IMMP2L: variants seen among roughly 807,000 people sequenced by gnomAD.
The protein encoded by IMMP2L is inner mitochondrial membrane peptidase subunit 2.
IMMP2L carries 18 observed loss-of-function variants against 19.3 expected under a neutral mutation model. The observed-to-expected ratio is 0.93, with a 90% CI of 0.64 to 1.38. The LOEUF is 1.38. Among genes scored for constraint, IMMP2L ranks in the 40% most tolerant of loss-of-function variants. The pLI, the probability that IMMP2L is intolerant of heterozygous loss-of-function variation, is 0.00. For synonymous variants in IMMP2L, 76 were observed against 73.0 expected (o/e 1.04, Z -0.21); for missense variants, 233 against 218.2 (o/e 1.07, Z -0.43).
At chr7:111,133,984 G>A (rs911126781) in intron 3 of IMMP2L, among the ~76,000 whole-genome samples, 1 of 151,932 alleles carries the variant, frequency 6.6e-6, no homozygotes, top group African/African-American at 2.4e-5. Context: ...GCTTTCTACT[G>A]TCTCCCCAAA....
intron 3 of IMMP2L, among the ~76,000 whole-genome samples, chr7:111,036,755 T>C (rs1013030801): frequency 6.6e-6 from 1 of 152,140 alleles, no homozygotes; most frequent in African/African-American, 2.4e-5. Flanking sequence ...AGTGTATTTT[T>C]ACAAACCAGA....
chr7:111,238,870 C>A (rs553124400), intron 3 of IMMP2L, among the ~76,000 whole-genome samples: 1 of 151,974 alleles, frequency 6.6e-6, no homozygotes, highest in African/African-American at 2.4e-5. Context: ...TTCATTATAT[C>A]CTCTGAACCC....
chr7:110,713,133 C>A (rs1478677786), intron 5 of IMMP2L, among the ~76,000 whole-genome samples: 2 of 151,570 alleles, frequency 1.3e-5, no homozygotes, highest in African/African-American at 4.8e-5. Flanking sequence ...ATATGTCTAG[C>A]CAGTTACCCC....
At chr7:111,387,625 T>G (rs1205379948) in intron 3 of IMMP2L, among the ~76,000 whole-genome samples, 1 of 152,130 alleles carries the variant, frequency 6.6e-6, no homozygotes, top group African/African-American at 2.4e-5. Context: ...CATAACAGAA[T>G]CTTAAGCTAA....
chr7:111,360,801 G>C (rs914456649), intron 3 of IMMP2L, among the ~76,000 whole-genome samples: 1 of 152,102 alleles, frequency 6.6e-6, no homozygotes, highest in African/African-American at 2.4e-5. Flanking sequence ...CTGGGCGACA[G>C]AGCGATACCT....
chr7:111,023,059 T>G (rs541829839), intron 3 of IMMP2L, among the ~76,000 whole-genome samples: 1 of 152,186 alleles, frequency 6.6e-6, no homozygotes, highest in African/African-American at 2.4e-5. Context: ...AGTAAAACTG[T>G]TGACAGCATT....
In IMMP2L at chr7:110,697,744, T is replaced by C. The variant is rs867657904; in HGVS notation, c.409-34023A>G. Among the ~76,000 whole-genome samples, 5 of 152,128 alleles carry C rather than the reference T, an allele frequency of 3.3e-5. No individual in the cohort carries two copies. In the South Asian group the frequency reaches 8.3e-4, roughly 25 times the overall value. On this transcript the variant is annotated intron_variant, in intron 5 of 5. Transcript: ENST00000405709. Reference sequence around the variant, plus strand: ...AGAAGTTCAAGGCAGCAGTTAGCTGTGATCATGCCACTGCACCCCAGCCTT... The same window carrying C: ...AGAAGTTCAAGGCAGCAGTTAGCTGCGATCATGCCACTGCACCCCAGCCTT...
chr7:110,703,302 CCT>C (rs928868365), intron 5 of IMMP2L, among the ~76,000 whole-genome samples: 4 of 151,906 alleles, frequency 2.6e-5, no homozygotes, highest in Admixed American at 2.0e-4. Context: ...AACATATTAT[CCT>C]TTTTTTTAAT....
At chr7:111,265,513 T>A (rs1167668866) in intron 3 of IMMP2L, among the ~76,000 whole-genome samples, 1 of 152,110 alleles carries the variant, frequency 6.6e-6, no homozygotes, top group African/African-American at 2.4e-5. Context: ...AAGGATGGGG[T>A]GAGCAAGGAC....
chr7:111,492,502 TCC>T, intron 2 of IMMP2L: 2 of 377,284 alleles, frequency 5.3e-6, no homozygotes, highest in Non-Finnish European at 3.6e-6. Flanking sequence ...TGATGGGGAC[TCC>T]TCTGTAAAGC....
At chr7:110,952,184 A>C (rs1009424154) in intron 4 of IMMP2L, among the ~76,000 whole-genome samples, 16 of 152,176 alleles carry the variant, frequency 1.1e-4, no homozygotes, top group Non-Finnish European at 1.5e-5. Flanking sequence ...AAAGGAAGGT[A>C]CAAAAGTTAC....
chr7:111,508,713 C>T (rs888190209), intron 2 of IMMP2L, among the ~76,000 whole-genome samples: 1 of 151,904 alleles, frequency 6.6e-6, no homozygotes, highest in Admixed American at 6.6e-5. Flanking sequence ...AAGGTGGGCA[C>T]GACAGAGTAG....
chr7:111,363,850 T>C (rs917850213), intron 3 of IMMP2L, among the ~76,000 whole-genome samples: 1 of 152,110 alleles, frequency 6.6e-6, no homozygotes, highest in Non-Finnish European at 1.5e-5. Flanking sequence ...TTTAGCTCCC[T>C]GTACACACCA....
chr7:110,722,452 A>G (rs1353923913), intron 5 of IMMP2L, among the ~76,000 whole-genome samples: 1 of 152,118 alleles, frequency 6.6e-6, no homozygotes, highest in East Asian at 1.9e-4. Flanking sequence ...CAAAGTCAGG[A>G]TTCAAAACCC....
At chr7:110,793,966 A>G (rs748188892) in intron 5 of IMMP2L, among the ~76,000 whole-genome samples, 10 of 152,164 alleles carry the variant, frequency 6.6e-5, no homozygotes, top group African/African-American at 2.4e-4. Flanking sequence ...TTACCACTAC[A>G]TAACTATTGG....
rs34496107 is a variant in IMMP2L, at chr7:111,521,412, G to C, written c.36C>G (p.Ile12Met). 1.2e-6 allele frequency: 2 copies of C among 1,612,826 alleles called. No individual in the cohort carries two copies. The highest frequency in any genetic ancestry group is 1.7e-6 in the Non-Finnish European group (2 of 1,179,196). ...CAAAGAAGCCTTTACAAAAGGCCTT[G>C]ATGTATCTTTTCACCCACCCTTGTG... is the stretch of plus-strand genomic sequence containing the variant. ...AQSQGWVKRY[I>M]KAFCKGFFVA... Residue 12 changes from isoleucine (I) to methionine (M), a missense_variant, in exon 2 of 6, where the codon ATC becomes ATG. By Grantham distance (10) the Ile-to-Met change is conservative (BLOSUM62 1). Coordinates refer to ENST00000405709, the MANE Select transcript of IMMP2L (RefSeq NM_032549.4).
At chr7:110,908,563 C>T (rs1461031144) in intron 4 of IMMP2L, among the ~76,000 whole-genome samples, 1 of 152,174 alleles carries the variant, frequency 6.6e-6, no homozygotes, top group East Asian at 1.9e-4. Context: ...CCAAACCATG[C>T]AGCGTGAGAA....
intron 3 of IMMP2L, among the ~76,000 whole-genome samples, chr7:111,382,028 G>A (rs1831248009): frequency 6.6e-6 from 1 of 151,952 alleles, no homozygotes; most frequent in African/African-American, 2.4e-5. Context: ...GTCATGATCT[G>A]AAGTGTAACA....
chr7:111,282,731 G>A (rs761975883), intron 3 of IMMP2L, among the ~76,000 whole-genome samples: 8 of 152,192 alleles, frequency 5.3e-5, no homozygotes, highest in Non-Finnish European at 1.2e-4. Flanking sequence ...CCACAGGCGT[G>A]AGCCACAATG....
Sources: gnomAD v4.1 joint callset for allele counts (sites outside exome capture counted in the v4.1 genomes callset) on GRCh38, gnomAD v4.1.1 for gene constraint, MANE v1.5 for transcripts, NCBI Gene and HGNC (gene_info 2026-07-23, HGNC 2026-07-21) for gene names.